MIB1: variants seen among roughly 807,000 people sequenced by gnomAD.
The protein encoded by MIB1 is MIB E3 ubiquitin protein ligase 1, also known as E3 ubiquitin-protein ligase MIB1.
Under a neutral mutation model 124.5 loss-of-function variants are expected in MIB1, and 278 were observed. The ratio of observed to expected loss-of-function variants is 2.23; its 90% CI spans 2.02 to 2.47. The LOEUF (loss-of-function observed/expected upper bound fraction) is 2.47. MIB1 is among the 30% of genes most tolerant of loss of function. The pLI, the probability that MIB1 is intolerant of heterozygous loss-of-function variation, is 0.00. For missense variants in MIB1, 957 were observed against 1,254.4 expected, an observed-to-expected ratio of 0.76 and a Z score of 3.58; for synonymous variants, 446 against 429.4, an observed-to-expected ratio of 1.04 and a Z score of -0.48.
At chr18:21,754,511 G>A (rs965744275) in intron 1 of MIB1, among the ~76,000 whole-genome samples, 3 of 152,102 alleles carry the variant, frequency 2.0e-5, no homozygotes. Flanking sequence ...GGTATTGTGG[G>A]GCTCGTGTTC....
chr18:21,778,070 A>G (rs2041312222), intron 4 of MIB1, 33 bp from the exon 5 acceptor site: 1 of 1,512,190 alleles, frequency 6.6e-7, no homozygotes, highest in Non-Finnish European at 9.2e-7. Flanking sequence ...TTGAAGTTTC[A>G]TGGGTGATTT....
At chr18:21,754,040 G>A (rs1404063936) in intron 1 of MIB1, among the ~76,000 whole-genome samples, 1 of 152,136 alleles carries the variant, frequency 6.6e-6, no homozygotes, top group Non-Finnish European at 1.5e-5. Context: ...CCCCATCTCT[G>A]CCCTGTGAGG....
At chr18:21,802,682 C>T (rs1477591292) in intron 9 of MIB1, among the ~76,000 whole-genome samples, 1 of 152,062 alleles carries the variant, frequency 6.6e-6, no homozygotes, top group Admixed American at 6.5e-5. Context: ...GTCTGGTAAT[C>T]CTTGGTTGTT....
chr18:21,803,771 A>G (rs774071690), intron 9 of MIB1, 136 bp from the exon 10 acceptor site: 16 of 586,254 alleles, frequency 2.7e-5, no homozygotes, highest in Non-Finnish European at 4.1e-5. Flanking sequence ...TATCTGAACT[A>G]TGATATATGG....
chr18:21,848,909 G>A (rs1568226430), intron 16 of MIB1, among the ~76,000 whole-genome samples: 1 of 149,352 alleles, frequency 6.7e-6, no homozygotes, highest in Non-Finnish European at 1.5e-5. Context: ...TTTATGCTAA[G>A]TTTTTTTTTT....
At chr18:21,771,890 C>T (rs1457750730) in intron 3 of MIB1, among the ~76,000 whole-genome samples, 1 of 151,388 alleles carries the variant, frequency 6.6e-6, no homozygotes, top group Non-Finnish European at 1.5e-5. Context: ...ATCCCAGCTA[C>T]TTGGGAGGCT....
chr18:21,766,133 C>T (rs2041155845), intron 2 of MIB1, among the ~76,000 whole-genome samples, 190 bp downstream of exon 2: 1 of 152,160 alleles, frequency 6.6e-6, no homozygotes, highest in African/African-American at 2.4e-5. Flanking sequence ...GAAGATGGAG[C>T]TGTCTGTACT....
chr18:21,762,625 A>T (rs191161280), intron 1 of MIB1, among the ~76,000 whole-genome samples: 4 of 152,300 alleles, frequency 2.6e-5, no homozygotes, highest in Admixed American at 6.5e-5. Context: ...GGTGAGTAGG[A>T]GCATTTAACA....
intron 6 of MIB1, among the ~76,000 whole-genome samples, chr18:21,780,915 T>C (rs568427879): frequency 3.9e-4 from 60 of 152,326 alleles, no homozygotes; most frequent in African/African-American, 1.3e-3. Context: ...TACTGGATCA[T>C]ATGGTAGTTC....
At chr18:21,824,305 A>G (rs1379340778) in intron 12 of MIB1, among the ~76,000 whole-genome samples, 2 of 152,150 alleles carry the variant, frequency 1.3e-5, no homozygotes, top group East Asian at 3.8e-4. Flanking sequence ...CTTACTGAAT[A>G]TGTGAGCAAC....
At position 21,741,772 on chromosome 18, in the gene MIB1, CG is replaced by C; in HGVS notation, c.193del (p.Ala65LeufsTer56). On this transcript the variant is annotated frameshift_variant, in exon 1 of 21. Transcript: ENST00000261537. LOFTEE classifies it high-confidence loss of function. The surrounding 1 kb of genome is among the most constrained non-coding windows in gnomAD (Gnocchi z 5.4). ...GCACAGCTGCCAACTACCGCTGCTC[CG>C]GGGCTTACGACCTCCGCATCCTGGA... ...NGTAANYRCS[G>X]AYDLRILDSA... 1.2e-6 allele frequency: 2 copies of C among 1,609,092 alleles called. No homozygotes were observed. The highest frequency in any genetic ancestry group is 1.7e-6 in the Non-Finnish European group (2 of 1,178,516).
chr18:21,757,335 C>G (rs1371590868), intron 1 of MIB1, among the ~76,000 whole-genome samples: 1 of 149,978 alleles, frequency 6.7e-6, no homozygotes, highest in Non-Finnish European at 1.5e-5. Context: ...GCCTGTTATC[C>G]CAGCTACTTG....
rs540834406 is a variant in MIB1 at position 21,813,503 on chromosome 18, C to T, written c.1480-2113C>T. ...TTAAATCTTAGATGTGGTTGTTTGC[C>T]AGTTCCTTTCTCAAAATTGATACGT... is the stretch of plus-strand genomic sequence containing the variant. On this transcript the variant is annotated intron_variant, in intron 10 of 20. Transcript: ENST00000261537. Among the ~76,000 whole-genome samples the T allele has an allele frequency of 2.0e-5, 3 of 152,234 alleles. No homozygotes were observed. The South Asian group carries it at 6.2e-4, about 32-fold the overall frequency.
intron 15 of MIB1, among the ~76,000 whole-genome samples, chr18:21,845,877 C>T (rs2042130272): frequency 1.3e-5 from 2 of 152,158 alleles, no homozygotes; most frequent in African/African-American, 4.8e-5. Flanking sequence ...TCTGCTTCAG[C>T]CTCCCAAAGT....
At chr18:21,864,137 A>G (rs868811938) in intron 20 of MIB1, among the ~76,000 whole-genome samples, 2 of 152,140 alleles carry the variant, frequency 1.3e-5, no homozygotes, top group South Asian at 2.1e-4. Flanking sequence ...TTGTCTGCCT[A>G]GAATTTCTCT....
At chr18:21,834,675 A>C (rs534135072) in intron 12 of MIB1, among the ~76,000 whole-genome samples, 1 of 152,350 alleles carries the variant, frequency 6.6e-6, no homozygotes, top group South Asian at 2.1e-4. Flanking sequence ...CAACTGAGGA[A>C]TAGTCTACAC....
Position 21,783,941 on chromosome 18 carries a change from C to T in MIB1, c.908+4256C>T, listed in dbSNP as rs1228383386. On this transcript the variant is annotated intron_variant, in intron 6 of 20. Transcript: ENST00000261537. ...TTTTTTTTGTAGAGATGGGGTCTTACGATGTTGCCCAGGCTGGTCTTGAAC... is the reference window on the plus strand; with the variant it reads ...TTTTTTTTGTAGAGATGGGGTCTTATGATGTTGCCCAGGCTGGTCTTGAAC... 3.3e-5 allele frequency among the ~76,000 whole-genome samples: 5 copies of T among 151,758 alleles called. No individual in the cohort carries two copies. The East Asian group carries it at 5.8e-4, about 18-fold the overall frequency.
chr18:21,774,784 T>C (rs1483136772), intron 4 of MIB1, among the ~76,000 whole-genome samples: 1 of 151,702 alleles, frequency 6.6e-6, no homozygotes, highest in Non-Finnish European at 1.5e-5. Flanking sequence ...CCCCTTAATT[T>C]ATTTCCATTT....
intron 10 of MIB1, among the ~76,000 whole-genome samples, chr18:21,815,040 TATATATATATATATATAA>T (rs2041815545): frequency 8.2e-6 from 1 of 122,352 alleles, no homozygotes; most frequent in South Asian, 2.4e-4. Context: ...TATATATATA[TATATATATATATATATAA>T]AATTATATAT....
Sources: gnomAD v4.1 joint callset for allele counts (sites outside exome capture counted in the v4.1 genomes callset) on GRCh38, gnomAD v4.1.1 for gene constraint, Gnocchi (gnomAD v3.1) non-coding constraint, MANE v1.5 for transcripts, NCBI Gene and HGNC (gene_info 2026-07-23, HGNC 2026-07-21) for gene names.